The following CCDC136 variants were observed in gnomAD, a reference collection of about 807,000 sequenced individuals.
CCDC136 encodes coiled-coil domain-containing protein 136.
Under a neutral mutation model 141.2 loss-of-function variants are expected in CCDC136, and 100 were observed. The observed-to-expected ratio is 0.71, with a 90% CI of 0.60 to 0.84. CCDC136 has a LOEUF of 0.84. Among genes scored for constraint, CCDC136 ranks in the 40% least tolerant of loss-of-function variants. The pLI is 0.00. For synonymous variants in CCDC136, 474 were observed against 531.9 expected (o/e 0.89, Z 1.50); for missense variants, 1,206 against 1,379.4 (o/e 0.87, Z 1.99).
chr7:128,809,431 CA>C lies in CCDC136; in HGVS notation c.1606-18del. The C allele has an allele frequency of 7.0e-7, 1 of 1,419,978 alleles. No individual in the cohort carries two copies. Among genetic ancestry groups the C allele is most frequent in the Non-Finnish European group, 9.7e-7 (1 of 1,036,266 alleles). 88.0% of individuals were successfully genotyped at this position (1,419,978 alleles called of 1,614,324 possible). A position where few individuals can be genotyped will look rare whatever the true frequency, so the allele number is the denominator to read the frequency against. On this transcript the variant is annotated intron_variant, in intron 10 of 17. Coordinates refer to ENST00000297788, the MANE Select transcript of CCDC136 (RefSeq NM_022742.5). ...CCTTACAGAGTAACCACCCCCTCCA[CA>C]CCCGCCCCCACCCACAGTGTGACAC...
rs578036036 is a variant in CCDC136, at chr7:128,806,732, C to T, written c.1293C>T (p.Asn431=). The T allele has an allele frequency of 1.9e-5, 31 of 1,611,398 alleles. No homozygotes were observed. The highest frequency in any genetic ancestry group is 2.7e-5 in the African/African-American group (2 of 74,856). The change falls in exon 9 of 18, where the codon AAC becomes AAT. Residue 431 remains asparagine (N), a synonymous_variant. Transcript: ENST00000297788. Reference sequence around the variant, plus strand: ...AGAAGCTGCACCTCCAGCACCAGAACGTCACATGTGAGAAGGAAAAGCTGC... The same window carrying T: ...AGAAGCTGCACCTCCAGCACCAGAATGTCACATGTGAGAAGGAAAAGCTGC... ...RLQKLHLQHQ[N]VTCEKEKLLE...
At chr7:128,802,913 T>TA (rs1562913501) in intron 4 of CCDC136, among the ~76,000 whole-genome samples, 1 of 152,256 alleles carries the variant, frequency 6.6e-6, no homozygotes, top group African/African-American at 2.4e-5. Context: ...CTTGCACACT[T>TA]ACCAAATCTG....
At position 128,794,451 on chromosome 7, in the gene CCDC136, T is replaced by G. The variant is rs1292023082; in HGVS notation, c.120T>G (p.Val40=). Residue 40 remains valine, a synonymous_variant, in exon 2 of 18, where the codon GTT becomes GTG. Transcript: ENST00000297788. This position sits in a 1 kb window ranked among gnomAD's most constrained non-coding sequence, Gnocchi z 4.3. Reference sequence around the variant, plus strand: ...AACAAGTGCAGAAAGGTGGCAGTGTTGGCTCTCTGTCAGTCAACAAGCACC... The same window carrying G: ...AACAAGTGCAGAAAGGTGGCAGTGTGGGCTCTCTGTCAGTCAACAAGCACC... ...EEEQVQKGGS[V]GSLSVNKHRG... 6.4e-7 allele frequency: 1 copy of G among 1,552,468 alleles called. No individual in the cohort carries two copies. The highest frequency in any genetic ancestry group is 1.2e-5 in the South Asian group (1 of 84,066).
Position 128,817,358 on chromosome 7 carries a change from G to A in CCDC136, c.3364-400G>A, listed in dbSNP as rs116419974. ...TACTAAGAAACTTAATGGAAAGCAG[G>A]CTAGAACAAAGGGACAGGTGACCTG... is the stretch of plus-strand genomic sequence containing the variant. On this transcript the variant is annotated intron_variant, in intron 16 of 17. Coordinates refer to ENST00000297788, the MANE Select transcript of CCDC136 (RefSeq NM_022742.5). The surrounding 1 kb of genome is among the most constrained non-coding windows in gnomAD (Gnocchi z 4.6). 2.3e-3 allele frequency among the ~76,000 whole-genome samples: 343 copies of A among 152,270 alleles called. No individual in the cohort carries two copies. Among genetic ancestry groups the A allele is most frequent in the African/African-American group, 7.8e-3 (322 of 41,544 alleles).
At chr7:128,795,172 C>T (rs1486764967) in intron 3 of CCDC136, among the ~76,000 whole-genome samples, 1 of 152,150 alleles carries the variant, frequency 6.6e-6, no homozygotes, top group African/African-American at 2.4e-5. Context: ...CCAAGGATGG[C>T]ATGGGAAAGC....
chr7:128,809,689 G>A (rs1247383334), intron 11 of CCDC136, 45 bp downstream of exon 11: 1 of 1,371,992 alleles, frequency 7.3e-7, no homozygotes, highest in Non-Finnish European at 9.7e-7. Context: ...AAGCTGCTCT[G>A]AGAAGCTTCC....
chr7:128,810,817 A>C (rs999089583), intron 12 of CCDC136, among the ~76,000 whole-genome samples: 1 of 152,226 alleles, frequency 6.6e-6, no homozygotes, highest in Non-Finnish European at 1.5e-5. Context: ...GTTCTCTATG[A>C]GGCAAATTTG....
Position 128,804,724 on chromosome 7 carries a change from A to G in CCDC136, c.745A>G (p.Ser249Gly), listed in dbSNP as rs372216926. ...EYRALQESNS[S>G]LTGQLADLES... ...CCGGGCCCTGCAGGAGAGCAACAGCAGCCTCACGGGGCAGCTTGCAGATCT... is the reference window on the plus strand; with the variant it reads ...CCGGGCCCTGCAGGAGAGCAACAGCGGCCTCACGGGGCAGCTTGCAGATCT... Residue 249 changes from serine (S) to glycine (G), a missense_variant, in exon 5 of 18, where the codon AGC (serine) becomes GGC (glycine). Physicochemically the swap from Ser to Gly is moderately conservative, Grantham distance 56. Transcript: ENST00000297788. 1.2e-6 allele frequency: 2 copies of G among 1,601,290 alleles called. No homozygotes were observed. The highest frequency in any genetic ancestry group is 1.7e-6 in the Non-Finnish European group (2 of 1,174,020).
chr7:128,817,719 T>C lies in CCDC136; in HGVS notation c.3364-39T>C. ...TGCGTTTATGTCTCACATCTCCTGG[T>C]CTCTCCTCGTGCTTCTTTCTCATTT... is the stretch of plus-strand genomic sequence containing the variant. On this transcript the variant is annotated intron_variant, in intron 16 of 17. Coordinates refer to ENST00000297788, the MANE Select transcript of CCDC136 (RefSeq NM_022742.5). This position sits in a 1 kb window ranked among gnomAD's most constrained non-coding sequence, Gnocchi z 4.6. 7.4e-7 allele frequency: 1 copy of C among 1,352,852 alleles called. No individual in the cohort carries two copies. The allele number at this position is 1,352,852 out of a possible 1,614,324, so 83.8% of individuals were successfully genotyped here.
chr7:128,812,626 G>A, intron 13 of CCDC136, 82 bp from the exon 14 acceptor site: 4 of 1,087,522 alleles, frequency 3.7e-6, no homozygotes, highest in Non-Finnish European at 5.5e-6. Context: ...CCATTGTTTG[G>A]TATCCAGGGA....
chr7:128,800,940 G>A (rs1015794198), intron 3 of CCDC136, among the ~76,000 whole-genome samples: 2 of 152,164 alleles, frequency 1.3e-5, no homozygotes, highest in African/African-American at 4.8e-5. Context: ...CTAAGTGATT[G>A]TTTTGGTGCC....
intron 3 of CCDC136, among the ~76,000 whole-genome samples, chr7:128,799,421 A>G (rs1803640239): frequency 6.6e-6 from 1 of 151,950 alleles, no homozygotes; most frequent in African/African-American, 2.4e-5. Context: ...AGTTTGTTGA[A>G]TAGATGAACT....
In CCDC136 at chr7:128,814,790, T is replaced by C. The variant is rs2128922447; in HGVS notation, c.2916T>C (p.Pro972=). The change falls in exon 15 of 18, where the codon CCT becomes CCC. Residue 972 remains proline, a synonymous_variant. Coordinates refer to ENST00000297788, the MANE Select transcript of CCDC136 (RefSeq NM_022742.5). Reference sequence around the variant, plus strand: ...TCCGCCAGCTCAGGGAGAAGAGGCCTTCTGTTGTCAAAGAAGCCCGGGGGA... The same window carrying C: ...TCCGCCAGCTCAGGGAGAAGAGGCCCTCTGTTGTCAAAGAAGCCCGGGGGA... The part of the protein sequence containing the change: ...EELRQLREKR[P]SVVKEARGKN... 1 of 1,612,994 alleles carries C rather than the reference T, an allele frequency of 6.2e-7. No individual in the cohort carries two copies. Among genetic ancestry groups the C allele is most frequent in the Non-Finnish European group, 8.5e-7 (1 of 1,179,412 alleles).
intron 8 of CCDC136, 30 bp downstream of exon 8, chr7:128,806,425 T>A: frequency 6.3e-7 from 1 of 1,575,950 alleles, no homozygotes; most frequent in Non-Finnish European, 8.6e-7. Context: ...AGGGGACAAC[T>A]TAGGTGCTAA....
At chr7:128,801,760 A>G (rs923379102) in intron 4 of CCDC136, among the ~76,000 whole-genome samples, 4 of 152,202 alleles carry the variant, frequency 2.6e-5, no homozygotes, top group Admixed American at 2.0e-4. Flanking sequence ...GTGAGACCCT[A>G]TCTCTTTCTA....
At position 128,812,717 on chromosome 7, in the gene CCDC136, G is replaced by C. The variant is rs777982126; in HGVS notation, c.2551G>C (p.Glu851Gln). The change falls in exon 14 of 18, where the codon GAA becomes CAA. Residue 851 changes from glutamate to glutamine, a missense_variant. By Grantham distance (29) the Glu-to-Gln change is conservative. Transcript: ENST00000297788. The stretch of plus-strand genomic sequence containing the variant: ...CCCCCACCCCCCGCAGCGCTTTGAG[G>C]AAATGGTTGTGAAAGTGCTGATCAA... ...AEPEDMERFEEMVVKVLIKLQ... is the reference protein window; with the variant it reads ...AEPEDMERFEQMVVKVLIKLQ... 6.2e-7 allele frequency: 1 copy of C among 1,612,938 alleles called. No individual in the cohort carries two copies. The highest frequency in any genetic ancestry group is 8.5e-7 in the Non-Finnish European group (1 of 1,179,716).
rs572513885 is a variant in CCDC136 at position 128,798,798 on chromosome 7, TCTTGGC to T, written c.347-2381_347-2376del. Among the ~76,000 whole-genome samples, 130 of 152,204 alleles carry T rather than the reference TCTTGGC, an allele frequency of 8.5e-4. 1 individual carries two copies. Among genetic ancestry groups the T allele is most frequent in the African/African-American group, 3.0e-3 (126 of 41,524 alleles). ...GAAGTCAGAGAATCTAACAGGAGAT[TCTTGGC>T]CTTGGCACGCAGTTAAGGATCAGTT... On this transcript the variant is annotated intron_variant, in intron 3 of 17. Coordinates refer to ENST00000297788, the MANE Select transcript of CCDC136 (RefSeq NM_022742.5).
At chr7:128,814,990 C>A in intron 15 of CCDC136, 71 bp downstream of exon 15, 1 of 1,241,508 alleles carries the variant, frequency 8.1e-7, no homozygotes, top group Non-Finnish European at 1.1e-6. Flanking sequence ...ATTGCCTCCA[C>A]AACCCTTTCA....
chr7:128,810,793 C>G (rs947016232), intron 12 of CCDC136, among the ~76,000 whole-genome samples: 2 of 152,244 alleles, frequency 1.3e-5, no homozygotes, highest in African/African-American at 2.4e-5. Context: ...TTATCAAAAT[C>G]TATCACCTTT....
Sources: gnomAD v4.1 joint callset for allele counts (sites outside exome capture counted in the v4.1 genomes callset) on GRCh38, gnomAD v4.1.1 for gene constraint, Gnocchi (gnomAD v3.1) non-coding constraint, MANE v1.5 for transcripts, NCBI Gene and HGNC (gene_info 2026-07-23, HGNC 2026-07-21) for gene names.